Variants in STRN3 observed in about 807,000 individuals in gnomAD.
STRN3 encodes striatin-3.
STRN3 carries 29 observed loss-of-function variants against 95.6 expected under a neutral mutation model. That is an observed-to-expected ratio of 0.30 (90% confidence interval 0.23 to 0.41). The LOEUF (loss-of-function observed/expected upper bound fraction) is 0.41, where lower values mean the gene tolerates loss of function less well. STRN3 is among the 10% of genes least tolerant of loss of function. The probability of loss-of-function intolerance (pLI) is 1.00; values close to 1 mark genes in which losing one functional copy is unlikely to be tolerated. For missense variants in STRN3, 890 were observed against 972.1 expected, an observed-to-expected ratio of 0.92 and a Z score of 1.12; for synonymous variants, 331 against 357.6, an observed-to-expected ratio of 0.93 and a Z score of 0.84.
intron 1 of STRN3, among the ~76,000 whole-genome samples, chr14:31,014,902 A>G (rs1408507382): frequency 2.0e-5 from 3 of 151,098 alleles, no homozygotes; most frequent in Non-Finnish European, 4.4e-5. Context: ...ATCTTTGCTC[A>G]CTACAACCTA....
At chr14:31,013,322 A>G (rs1170628985) in intron 1 of STRN3, among the ~76,000 whole-genome samples, 1 of 151,872 alleles carries the variant, frequency 6.6e-6, no homozygotes, top group Non-Finnish European at 1.5e-5. Flanking sequence ...GCAGCCAGCC[A>G]AGATCGCATC....
chr14:30,940,681 GA>G (rs1879050527), intron 5 of STRN3, among the ~76,000 whole-genome samples: 1 of 152,062 alleles, frequency 6.6e-6, no homozygotes, highest in South Asian at 2.1e-4. Context: ...TTTCAATCTG[GA>G]AACAAACATC....
At chr14:30,923,440 G>T (rs947686728) in intron 8 of STRN3, among the ~76,000 whole-genome samples, 3 of 152,140 alleles carry the variant, frequency 2.0e-5, no homozygotes, top group Admixed American at 6.5e-5. Flanking sequence ...GCCAGAAGGT[G>T]CATAGCAATT....
chr14:30,935,298 T>A lies in STRN3; in HGVS notation c.853A>T (p.Asn285Tyr). The A allele has an allele frequency of 6.2e-7, 1 of 1,613,744 alleles. No individual in the cohort carries two copies. Among genetic ancestry groups the A allele is most frequent in the East Asian group, 2.2e-5 (1 of 44,848 alleles). ...GTTAGGTCAGCAGCTAAACCTTCAT[T>A]ACCTATCTGTAAATAGAATATAAAC... ...KHRMNKHKIG[N>Y]EGLAADLTDD... The change falls in exon 7 of 18, where the codon AAT (asparagine) becomes TAT (tyrosine). Residue 285 changes from asparagine (N) to tyrosine (Y), a missense_variant. Physicochemically the swap from Asn to Tyr is moderately radical, Grantham distance 143. Transcript: ENST00000357479.
intron 5 of STRN3, among the ~76,000 whole-genome samples, chr14:30,939,439 T>C (rs907834923): frequency 2.6e-5 from 4 of 152,074 alleles, no homozygotes; most frequent in Non-Finnish European, 5.9e-5. Context: ...TTAGAAGAGT[T>C]GCTGAGCTGA....
chr14:30,995,788 A>G (rs748368575), intron 1 of STRN3, among the ~76,000 whole-genome samples: 7 of 152,222 alleles, frequency 4.6e-5, no homozygotes, highest in Admixed American at 1.3e-4. Flanking sequence ...AGAAAAACTC[A>G]CACGAGGCTA....
At chr14:30,929,492 A>G (rs956730642) in intron 7 of STRN3, among the ~76,000 whole-genome samples, 181 bp from the exon 8 acceptor site, 2 of 152,192 alleles carry the variant, frequency 1.3e-5, no homozygotes, top group South Asian at 4.1e-4. Flanking sequence ...TGCCCATGTC[A>G]TAAGTTTCTA....
At chr14:30,912,393 G>T in intron 10 of STRN3, 1 of 399,278 alleles carries the variant, frequency 2.5e-6, no homozygotes, top group Non-Finnish European at 4.3e-6. Context: ...CTTACAAATA[G>T]CCTAGGTCAA....
At chr14:30,899,008 C>T (rs1287272500) in intron 16 of STRN3, among the ~76,000 whole-genome samples, 1 of 152,180 alleles carries the variant, frequency 6.6e-6, no homozygotes, top group African/African-American at 2.4e-5. Flanking sequence ...ACTATATCTA[C>T]CTTACAGAGT....
At chr14:30,965,093 C>T (rs1569791) in intron 1 of STRN3, among the ~76,000 whole-genome samples, 1 of 152,076 alleles carries the variant, frequency 6.6e-6, no homozygotes, top group African/African-American at 2.4e-5. Context: ...GTATTGACTT[C>T]CTTTCTTGCA....
At chr14:30,956,312 AC>A (rs1376157268) in intron 1 of STRN3, 70 bp from the exon 2 acceptor site, 3 of 1,394,042 alleles carry the variant, frequency 2.2e-6, no homozygotes, top group African/African-American at 2.9e-5. Flanking sequence ...AAAATGGAAA[AC>A]GATAAACACA....
rs373250496 is a variant in STRN3 at position 30,930,118 on chromosome 14, G to C, written c.989-807C>G. Among the ~76,000 whole-genome samples, 27 of 151,906 alleles carry C rather than the reference G, an allele frequency of 1.8e-4. 1 individual carries two copies. The East Asian group carries it at 4.2e-3, about 24-fold the overall frequency. On this transcript the variant is annotated intron_variant, in intron 7 of 17. Coordinates refer to ENST00000357479, the MANE Select transcript of STRN3 (RefSeq NM_001083893.2). The stretch of plus-strand genomic sequence containing the variant: ...GCTATTTTAGCTGAATAATAAATCT[G>C]TATTTAACTAAATACTTGTGACTGA...
chr14:31,010,025 C>T (rs1466668801), intron 1 of STRN3, among the ~76,000 whole-genome samples: 1 of 152,016 alleles, frequency 6.6e-6, no homozygotes, highest in East Asian at 1.9e-4. Flanking sequence ...ATTGCTTGAG[C>T]CCAGAAGGAC....
Position 31,003,039 on chromosome 14 carries a change from G to A in STRN3, c.282+22865C>T, listed in dbSNP as rs529674817. 3.9e-4 allele frequency among the ~76,000 whole-genome samples: 60 copies of A among 152,036 alleles called. 1 individual carries two copies. Among genetic ancestry groups the A allele is most frequent in the Non-Finnish European group, 7.4e-5 (5 of 67,964 alleles). ...AGCACTTTGGGAGGCCGAGGTGGACGGATCATGAGGTCAGGAGATTGAGAC... is the reference window on the plus strand; with the variant it reads ...AGCACTTTGGGAGGCCGAGGTGGACAGATCATGAGGTCAGGAGATTGAGAC... On this transcript the variant is annotated intron_variant, in intron 1 of 17. Coordinates refer to ENST00000357479, the MANE Select transcript of STRN3 (RefSeq NM_001083893.2).
In STRN3 at chr14:30,950,208, G is replaced by A. The variant is rs565462310; in HGVS notation, c.542+655C>T. Among the ~76,000 whole-genome samples, 5 of 152,248 alleles carry A rather than the reference G, an allele frequency of 3.3e-5. No individual in the cohort carries two copies. In the East Asian group the frequency reaches 7.7e-4, roughly 24 times the overall value. On this transcript the variant is annotated intron_variant, in intron 4 of 17. Transcript: ENST00000357479. ...CAGAGGGCAAATAACACAGTGGTCGGAGGTGGAATGCATGATGACTGTCCA... is the reference window on the plus strand; with the variant it reads ...CAGAGGGCAAATAACACAGTGGTCGAAGGTGGAATGCATGATGACTGTCCA...
chr14:30,988,477 G>A (rs1033984018), intron 1 of STRN3, among the ~76,000 whole-genome samples: 6 of 152,096 alleles, frequency 3.9e-5, no homozygotes, highest in African/African-American at 1.4e-4. Context: ...ATACAAAGTA[G>A]AAATCTGCTG....
At chr14:30,916,502 C>T (rs1033166266) in intron 9 of STRN3, among the ~76,000 whole-genome samples, 1 of 152,098 alleles carries the variant, frequency 6.6e-6, no homozygotes, top group Admixed American at 6.6e-5. Context: ...GTCTCGATCT[C>T]CTGACCTCGT....
intron 8 of STRN3, among the ~76,000 whole-genome samples, chr14:30,924,287 C>CTTTTTTT (rs71112354): frequency 0.2 from 15,296 of 76,544 alleles, 4,261 homozygotes; most frequent in Non-Finnish European, 0.24. Context: ...TGCCTTAAAT[C>CTTTTTTT]TTTTTTTTTT....
chr14:30,986,479 A>G lies in STRN3; in HGVS notation c.283-30237T>C, dbSNP rs117607985. Among the ~76,000 whole-genome samples the G allele has an allele frequency of 1.8e-3, 275 of 152,340 alleles. 5 individuals carry two copies. The East Asian group carries it at 0.032, about 18-fold the overall frequency. ...TAGCTAGATAGTAGCCAGAAAGGACATATTTGCAAATAAGACAAGTACCTA... is the reference window on the plus strand; with the variant it reads ...TAGCTAGATAGTAGCCAGAAAGGACGTATTTGCAAATAAGACAAGTACCTA... On this transcript the variant is annotated intron_variant, in intron 1 of 17. Coordinates refer to ENST00000357479, the MANE Select transcript of STRN3 (RefSeq NM_001083893.2).
Sources: gnomAD v4.1 joint callset for allele counts (sites outside exome capture counted in the v4.1 genomes callset) on GRCh38, gnomAD v4.1.1 for gene constraint, MANE v1.5 for transcripts, NCBI Gene and HGNC (gene_info 2026-07-23, HGNC 2026-07-21) for gene names.